ALPL: variants seen among roughly 807,000 people sequenced by gnomAD.
ALPL encodes the protein alkaline phosphatase, tissue-nonspecific isozyme.
A neutral mutation model predicts 51.3 loss-of-function variants in ALPL; 42 were observed. The ratio of observed to expected loss-of-function variants is 0.82; its 90% CI spans 0.64 to 1.06. ALPL has a LOEUF of 1.06. Ranked by LOEUF, ALPL falls within the 50% of genes least tolerant of loss-of-function variation. The pLI is 0.00. For synonymous variants in ALPL, 279 were observed against 296.4 expected (o/e 0.94, Z 0.60); for missense variants, 589 against 709.4 (o/e 0.83, Z 1.93).
intron 1 of ALPL, among the ~76,000 whole-genome samples, chr1:21,550,554 GTATT>G (rs1050590374): frequency 1.3e-5 from 2 of 152,106 alleles, no homozygotes; most frequent in African/African-American, 4.8e-5. Context: ...CCAAAGAGTA[GTATT>G]TATTTTATTG....
chr1:21,511,054 A>T (rs1643676656), intron 1 of ALPL, among the ~76,000 whole-genome samples: 1 of 152,214 alleles, frequency 6.6e-6, no homozygotes, highest in South Asian at 2.1e-4. Flanking sequence ...AGGCCAGAAC[A>T]AGATGCTATC....
chr1:21,515,355 T>G (rs886251535), intron 1 of ALPL, among the ~76,000 whole-genome samples: 1 of 152,190 alleles, frequency 6.6e-6, no homozygotes, highest in African/African-American at 2.4e-5. Context: ...TGAACCATTG[T>G]GCCTGGCCCA....
chr1:21,576,295 A>ATGGG (rs1644736126), intron 10 of ALPL, among the ~76,000 whole-genome samples: 1 of 147,960 alleles, frequency 6.8e-6, no homozygotes, highest in African/African-American at 2.6e-5. Flanking sequence ...GGGTGGATGG[A>ATGGG]TGGATGGATG....
chr1:21,534,538 C>T (rs527682394), intron 1 of ALPL, among the ~76,000 whole-genome samples: 184 of 152,218 alleles, frequency 1.2e-3, no homozygotes, highest in African/African-American at 4.3e-3. Context: ...CAGACTGAAG[C>T]CTAGGGTAGT....
At chr1:21,561,710 A>G (rs1291272111) in intron 4 of ALPL, among the ~76,000 whole-genome samples, 3 of 130,814 alleles carry the variant, frequency 2.3e-5, no homozygotes, top group Non-Finnish European at 3.1e-5. Flanking sequence ...TCTGTCTTCC[A>G]GGCTGGAGTA....
intron 2 of ALPL, among the ~76,000 whole-genome samples, chr1:21,560,130 G>A (rs1285642165): frequency 6.6e-6 from 1 of 152,238 alleles, no homozygotes; most frequent in Non-Finnish European, 1.5e-5. Context: ...GGTTCCTGCT[G>A]AGCCTACTTT....
At chr1:21,551,719 GTTTTTTTTT>G (rs397861981) in intron 1 of ALPL, among the ~76,000 whole-genome samples, 10 of 61,442 alleles carry the variant, frequency 1.6e-4, no homozygotes, top group South Asian at 1.2e-3. Context: ...AGCTTGCGTG[GTTTTTTTTT>G]TTTTTTTTTT....
Position 21,509,904 on chromosome 1 carries a change from C to G in ALPL, c.-105+387C>G, listed in dbSNP as rs995887122. 1.3e-5 allele frequency among the ~76,000 whole-genome samples: 2 copies of G among 152,234 alleles called. No individual in the cohort carries two copies. The highest frequency in any genetic ancestry group is 4.8e-5 in the African/African-American group (2 of 41,468). ...CCCGTGACTGAGCCCCTCCTGGTGC[C>G]TCCTTAGCCGTAGCTCTAGAGACCT... On this transcript the variant is annotated intron_variant, in intron 1 of 11. Coordinates refer to ENST00000374840, the MANE Select transcript of ALPL (RefSeq NM_000478.6). This position sits in a 1 kb window ranked among gnomAD's most constrained non-coding sequence, Gnocchi z 6.0.
At chr1:21,556,487 A>G (rs1644415742) in intron 2 of ALPL, among the ~76,000 whole-genome samples, 1 of 152,078 alleles carries the variant, frequency 6.6e-6, no homozygotes, top group African/African-American at 2.4e-5. Flanking sequence ...AGAAACAAAC[A>G]AACAATTAGC....
intron 7 of ALPL, among the ~76,000 whole-genome samples, chr1:21,569,814 C>T (rs1401238928): frequency 6.6e-6 from 1 of 152,200 alleles, no homozygotes; most frequent in Non-Finnish European, 1.5e-5. Context: ...AACAGCCACG[C>T]CTTTATCTCC....
At chr1:21,546,497 C>A (rs1217962654) in intron 1 of ALPL, among the ~76,000 whole-genome samples, 1 of 152,206 alleles carries the variant, frequency 6.6e-6, no homozygotes, top group African/African-American at 2.4e-5. Flanking sequence ...CATAACCACT[C>A]TCCTGACTTC....
chr1:21,535,640 C>CT (rs1488805905), intron 1 of ALPL, among the ~76,000 whole-genome samples: 1 of 151,990 alleles, frequency 6.6e-6, no homozygotes. Context: ...GAGAGTGAAG[C>CT]TGGATGGGCC....
intron 1 of ALPL, among the ~76,000 whole-genome samples, chr1:21,510,175 G>A (rs1185552732): frequency 6.6e-6 from 1 of 152,184 alleles, no homozygotes; most frequent in East Asian, 1.9e-4. Context: ...GCCCCCTTTA[G>A]GCTTTGCGAG....
intron 10 of ALPL, among the ~76,000 whole-genome samples, chr1:21,576,291 A>G (rs201405476): frequency 6.2e-5 from 4 of 64,058 alleles, no homozygotes; most frequent in Non-Finnish European, 9.3e-5. Flanking sequence ...GGATGGGTGG[A>G]TGGATGGATG....
intron 1 of ALPL, among the ~76,000 whole-genome samples, chr1:21,533,006 G>T (rs1247888157): frequency 1.3e-5 from 2 of 152,176 alleles, no homozygotes; most frequent in Non-Finnish European, 2.9e-5. Flanking sequence ...TCAGTTTGTT[G>T]TGATACCATG....
At chr1:21,520,749 G>A (rs998159801) in intron 1 of ALPL, among the ~76,000 whole-genome samples, 4 of 152,016 alleles carry the variant, frequency 2.6e-5, no homozygotes, top group Non-Finnish European at 4.4e-5. Context: ...GTGCCCGGCC[G>A]AAAGCCATTT....
At chr1:21,573,588 A>T (rs1644681912) in intron 8 of ALPL, 77 bp from the exon 9 acceptor site, 1 of 1,574,418 alleles carries the variant, frequency 6.4e-7, no homozygotes, top group Middle Eastern at 2.1e-4. Context: ...ATTCCCTGAG[A>T]CACCCCAGCT....
chr1:21,576,025 G>A (rs781591927), intron 10 of ALPL, 101 bp downstream of exon 10: 1 of 1,395,160 alleles, frequency 7.2e-7, no homozygotes, highest in Non-Finnish European at 1.0e-6. Flanking sequence ...AGCATGGTGG[G>A]GACTCAATGA....
At chr1:21,572,470 G>A (rs780652741) in intron 8 of ALPL, among the ~76,000 whole-genome samples, 39 of 152,208 alleles carry the variant, frequency 2.6e-4, no homozygotes, top group African/African-American at 5.1e-4. Context: ...CCCAGCCTTC[G>A]AAATCACACA....
Sources: gnomAD v4.1 joint callset for allele counts (sites outside exome capture counted in the v4.1 genomes callset) on GRCh38, gnomAD v4.1.1 for gene constraint, Gnocchi (gnomAD v3.1) non-coding constraint, MANE v1.5 for transcripts, NCBI Gene and HGNC (gene_info 2026-07-23, HGNC 2026-07-21) for gene names.